FLI1: variants seen among roughly 807,000 people sequenced by gnomAD.
FLI1 encodes Friend leukemia integration 1 transcription factor.
FLI1 carries 13 observed loss-of-function variants against 53.1 expected under a neutral mutation model. The observed-to-expected ratio is 0.24, with a 90% CI of 0.16 to 0.39. The LOEUF (loss-of-function observed/expected upper bound fraction) is 0.39, where lower values mean the gene tolerates loss of function less well. Ranked by LOEUF, FLI1 falls within the 10% of genes least tolerant of loss-of-function variation. FLI1 has a pLI of 1.00. For synonymous variants in FLI1, 244 were observed against 236.7 expected (o/e 1.03, Z -0.28); for missense variants, 424 against 600.5 (o/e 0.71, Z 3.07).
In FLI1 at chr11:128,720,962, AC is replaced by A. The variant is rs1011457172; in HGVS notation, c.18+26691del. On this transcript the variant is annotated intron_variant, in intron 1 of 8. Coordinates refer to ENST00000527786, the MANE Select transcript of FLI1 (RefSeq NM_002017.5). ...TGTGCAACAGAAGCCGCCTCTGGCC[AC>A]CCCCGGCCCTTCCCCCTCCACCCAG... Among the ~76,000 whole-genome samples the A allele has an allele frequency of 4.0e-5, 6 of 151,824 alleles. No homozygotes were observed. In the East Asian group the frequency reaches 1.2e-3, roughly 29 times the overall value.
intron 2 of FLI1, among the ~76,000 whole-genome samples, chr11:128,761,857 A>G (rs1941134349): frequency 6.6e-6 from 1 of 152,048 alleles, no homozygotes; most frequent in Non-Finnish European, 1.5e-5. Flanking sequence ...CAGAGCAGCA[A>G]CCTCTGCTTT....
At chr11:128,742,754 G>C (rs1565477278) in intron 1 of FLI1, among the ~76,000 whole-genome samples, 3 of 152,208 alleles carry the variant, frequency 2.0e-5, no homozygotes, top group African/African-American at 7.2e-5. Context: ...TGAATAAGAA[G>C]TTTAGGTAAA....
chr11:128,794,739 A>G (rs2135893356), intron 5 of FLI1, among the ~76,000 whole-genome samples: 1 of 152,326 alleles, frequency 6.6e-6, no homozygotes, highest in South Asian at 2.1e-4. Context: ...CCAGGTTGTG[A>G]GTGGGCTTTT....
At chr11:128,725,662 CTGTGTGTGTGTGTTTG>C in intron 1 of FLI1, among the ~76,000 whole-genome samples, 1 of 149,582 alleles carries the variant, frequency 6.7e-6, no homozygotes, top group East Asian at 2.0e-4. Flanking sequence ...CTCTCTCTCT[CTGTGTGTGTGTGTTTG>C]TGTGTGTGTG....
At chr11:128,792,485 C>G (rs1237796532) in intron 5 of FLI1, among the ~76,000 whole-genome samples, 9 of 152,166 alleles carry the variant, frequency 5.9e-5, no homozygotes, top group Non-Finnish European at 1.2e-4. Context: ...AATGGAGCTG[C>G]AAAGTATATA....
intron 5 of FLI1, among the ~76,000 whole-genome samples, chr11:128,796,997 CAAA>C (rs1351278766): frequency 3.9e-5 from 6 of 152,138 alleles, no homozygotes; most frequent in African/African-American, 1.4e-4. Context: ...AACAAACAAA[CAAA>C]AAGAAGTAGT....
At chr11:128,724,373 G>A (rs1939383340) in intron 1 of FLI1, among the ~76,000 whole-genome samples, 1 of 152,186 alleles carries the variant, frequency 6.6e-6, no homozygotes, top group Non-Finnish European at 1.5e-5. Context: ...TGGGGCAGCA[G>A]GTGAGGAGGC....
Position 128,751,488 on chromosome 11 carries a change from C to A in FLI1, c.19-6627C>A, listed in dbSNP as rs187545955. ...CCTCAGTTTTCCAAGTAGCTAGGACCACAGACACACCACCACACCTTTTTT... is the reference window on the plus strand; with the variant it reads ...CCTCAGTTTTCCAAGTAGCTAGGACAACAGACACACCACCACACCTTTTTT... On this transcript the variant is annotated intron_variant, in intron 1 of 8. Coordinates refer to ENST00000527786, the MANE Select transcript of FLI1 (RefSeq NM_002017.5). Among the ~76,000 whole-genome samples the A allele has an allele frequency of 7.9e-3, 1,192 of 151,792 alleles. 10 individuals carry two copies. The highest frequency in any genetic ancestry group is 0.066 in the South Asian group (316 of 4,802).
chr11:128,689,434 C>T (rs1937651613), upstream of FLI1, among the ~76,000 whole-genome samples: 1 of 152,192 alleles, frequency 6.6e-6, no homozygotes, highest in Non-Finnish European at 1.5e-5. Flanking sequence ...GCTCTAACTC[C>T]TTCACTTATC....
At chr11:128,787,726 T>A (rs1377873785) in intron 5 of FLI1, among the ~76,000 whole-genome samples, 1 of 151,908 alleles carries the variant, frequency 6.6e-6, no homozygotes, top group Non-Finnish European at 1.5e-5. Context: ...AAAGTTATAA[T>A]AAGGATAGTA....
At chr11:128,795,686 G>A (rs1359792185) in intron 5 of FLI1, among the ~76,000 whole-genome samples, 1 of 151,776 alleles carries the variant, frequency 6.6e-6, no homozygotes, top group Non-Finnish European at 1.5e-5. Flanking sequence ...GAGTAGCTGG[G>A]ACTACAGGCA....
At chr11:128,764,639 C>T (rs1011238309) in intron 2 of FLI1, 1 of 1,531,268 alleles carries the variant, frequency 6.5e-7, no homozygotes, top group Non-Finnish European at 8.7e-7. Flanking sequence ...TTTCATCAAG[C>T]CTTCTTCACA....
At position 128,809,354 on chromosome 11, in the gene FLI1, T is replaced by C. The variant is rs1942876069; in HGVS notation, c.829+150T>C. The C allele has an allele frequency of 2.0e-5, 15 of 740,356 alleles. No homozygotes were observed. In the South Asian group the frequency reaches 2.3e-4, roughly 11 times the overall value. The allele number at this position is 740,356 out of a possible 1,614,324, so 45.9% of individuals were successfully genotyped here. On this transcript the variant is annotated intron_variant, in intron 8 of 8. Transcript: ENST00000527786. ...ATGTTCAATGTCTGTTTCTGGAGCA[T>C]GTGAACAACAGGTCAGGGCTTGTTA...
At chr11:128,729,593 CT>C (rs1212806501) in intron 1 of FLI1, among the ~76,000 whole-genome samples, 1 of 152,238 alleles carries the variant, frequency 6.6e-6, no homozygotes, top group African/African-American at 2.4e-5. Flanking sequence ...CCAGAATGAA[CT>C]CAGGACTCAG....
chr11:128,747,337 G>C (rs908399351), intron 1 of FLI1, among the ~76,000 whole-genome samples: 7 of 152,346 alleles, frequency 4.6e-5, no homozygotes, highest in African/African-American at 1.7e-4. Flanking sequence ...ACATCTGGCG[G>C]AATAGAGTCC....
At chr11:128,695,624 C>T (rs1020696881) in intron 1 of FLI1, among the ~76,000 whole-genome samples, 11 of 152,070 alleles carry the variant, frequency 7.2e-5, no homozygotes, top group Non-Finnish European at 1.3e-4. Context: ...AGACACCAAC[C>T]GAAGGAACTT....
intron 1 of FLI1, among the ~76,000 whole-genome samples, chr11:128,698,807 C>T (rs1361357445): frequency 1.3e-5 from 2 of 151,540 alleles, no homozygotes; most frequent in African/African-American, 4.9e-5. Context: ...CTAAAGACAC[C>T]TCTGGTATTT....
intron 2 of FLI1, among the ~76,000 whole-genome samples, chr11:128,766,711 C>T (rs911312544): frequency 4.6e-5 from 7 of 151,852 alleles, no homozygotes; most frequent in African/African-American, 7.3e-5. Flanking sequence ...CTATCTGGTA[C>T]GGCCCTGCTC....
At chr11:128,719,691 C>G (rs1184790118) in intron 1 of FLI1, among the ~76,000 whole-genome samples, 3 of 152,130 alleles carry the variant, frequency 2.0e-5, no homozygotes, top group Non-Finnish European at 2.9e-5. Context: ...CTGGGACAAG[C>G]AAGGGCAAGG....
Sources: allele counts gnomAD v4.1 joint callset (sites outside exome capture counted in the v4.1 genomes callset), GRCh38; gene constraint gnomAD v4.1.1; transcripts MANE v1.5; gene names NCBI Gene and HGNC (gene_info 2026-07-23, HGNC 2026-07-21).